Variants in PHGDH observed in about 807,000 individuals in gnomAD.
PHGDH encodes the protein D-3-phosphoglycerate dehydrogenase.
In PHGDH, 50 loss-of-function variants were observed where a neutral mutation model predicts 52.6. The observed-to-expected ratio is 0.95, with a 90% CI of 0.76 to 1.20. The LOEUF is 1.20. Among genes scored for constraint, PHGDH ranks in the 50% most tolerant of loss-of-function variants. The probability of loss-of-function intolerance (pLI) is 0.00; values close to 1 mark genes in which losing one functional copy is unlikely to be tolerated. For missense variants in PHGDH, 630 were observed against 684.6 expected (o/e 0.92, Z 0.89); for synonymous variants, 271 against 280.5 (o/e 0.97, Z 0.34).
At position 119,721,276 on chromosome 1, in the gene PHGDH, A is replaced by G. The variant is rs587625944; in HGVS notation, c.245A>G (p.Asn82Ser). The change falls in exon 2 of 12, where the codon AAT becomes AGT. Residue 82 changes from asparagine to serine, a missense_variant. Transcript: ENST00000641023. ...VVGRAGTGVD[N>S]VDLEAATRKG... ...GGCAGGGCTGGCACAGGTGTGGACA[A>G]TGTGGATCTGGAGGCCGCAACAAGG... 5.0e-6 allele frequency: 8 copies of G among 1,614,114 alleles called. No homozygotes were observed. Among genetic ancestry groups the G allele is most frequent in the East Asian group, 2.2e-5 (1 of 44,884 alleles).
intron 8 of PHGDH, chr1:119,740,159 G>A (rs79498396): frequency 4.8e-4 from 269 of 559,650 alleles, no homozygotes; most frequent in African/African-American, 4.2e-3. Flanking sequence ...AATTTTGAGT[G>A]GTTGTGGCAT....
intron 8 of PHGDH, among the ~76,000 whole-genome samples, chr1:119,738,085 T>G (rs1041179862): frequency 8.8e-5 from 13 of 148,514 alleles, no homozygotes; most frequent in Non-Finnish European, 1.9e-4. Flanking sequence ...TTTTCCCTAA[T>G]CTTTCTACTT....
At chr1:119,728,531 T>A (rs1411135361) in intron 5 of PHGDH, among the ~76,000 whole-genome samples, 2 of 152,142 alleles carry the variant, frequency 1.3e-5, no homozygotes, top group African/African-American at 4.8e-5. Flanking sequence ...TTCCCCCAGG[T>A]CTCTGCCTTT....
At chr1:119,719,252 T>C (rs998432171) in intron 1 of PHGDH, among the ~76,000 whole-genome samples, 18 of 152,040 alleles carry the variant, frequency 1.2e-4, no homozygotes, top group Admixed American at 6.5e-5. Context: ...TACACCCAGG[T>C]CATAATCAGT....
intron 1 of PHGDH, among the ~76,000 whole-genome samples, chr1:119,714,010 T>C (rs1650812976): frequency 1.3e-5 from 2 of 152,150 alleles, no homozygotes; most frequent in Non-Finnish European, 2.9e-5. Flanking sequence ...TGAAAACTCT[T>C]GGCAGGAGAG....
In PHGDH at chr1:119,741,685, GAGCT is replaced by G. The variant is rs945483332; in HGVS notation, c.1079-79_1079-76del. On this transcript the variant is annotated intron_variant, in intron 9 of 11. Coordinates refer to ENST00000641023, the MANE Select transcript of PHGDH (RefSeq NM_006623.4). ...AGGGCAGCGAGGAGCCCATAGTCCA[GAGCT>G]AGGTGCCAGTGGCTTCCTGCCCCCT... 103 of 1,299,650 alleles carry G rather than the reference GAGCT, an allele frequency of 7.9e-5. No homozygotes were observed. In the African/African-American group the frequency reaches 1.4e-3, roughly 17 times the overall value. The allele number at this position is 1,299,650 out of a possible 1,614,324, so 80.5% of individuals were successfully genotyped here. A position where few individuals can be genotyped will look rare whatever the true frequency, so the allele number is the denominator to read the frequency against.
intron 2 of PHGDH, 124 bp downstream of exon 2, chr1:119,721,445 G>A (rs1368514417): frequency 2.8e-5 from 26 of 945,390 alleles, no homozygotes; most frequent in Non-Finnish European, 3.8e-5. Context: ...CCAGGAGGAT[G>A]CCTGGTCTAG....
chr1:119,717,964 T>C (rs184592832), intron 1 of PHGDH, among the ~76,000 whole-genome samples: 128 of 152,354 alleles, frequency 8.4e-4, no homozygotes, highest in Non-Finnish European at 7.6e-4. Flanking sequence ...AATTCATTTA[T>C]TCAATGGAAG....
chr1:119,721,554 G>A (rs761901720), intron 2 of PHGDH: 2 of 510,700 alleles, frequency 3.9e-6, no homozygotes, highest in African/African-American at 1.9e-5. Context: ...GTGTTACACA[G>A]TTTTTGAAAT....
chr1:119,731,979 G>A (rs1383920367), intron 5 of PHGDH, among the ~76,000 whole-genome samples: 1 of 152,226 alleles, frequency 6.6e-6, no homozygotes, highest in African/African-American at 2.4e-5. Context: ...GGGGCCCAGG[G>A]AGACAGCAGG....
intron 5 of PHGDH, among the ~76,000 whole-genome samples, chr1:119,729,059 A>G (rs1410395218): frequency 6.6e-6 from 1 of 152,142 alleles, no homozygotes; most frequent in East Asian, 1.9e-4. Context: ...ATTGAATATT[A>G]TCCTCTCCCT....
Position 119,726,816 on chromosome 1 carries a change from G to A in PHGDH, c.357-35G>A, listed in dbSNP as rs371495553. On this transcript the variant is annotated intron_variant, in intron 3 of 11. Coordinates refer to ENST00000641023, the MANE Select transcript of PHGDH (RefSeq NM_006623.4). ...CTCCTTCCTGGGCTGGCGGGAGTCC[G>A]AATGGACCCTCTGAACCTGTGTCTA... 21 of 1,598,326 alleles carry A rather than the reference G, an allele frequency of 1.3e-5. No individual in the cohort carries two copies. The East Asian group carries it at 1.3e-4, about 10-fold the overall frequency.
At chr1:119,725,795 C>G (rs1651382036) in intron 3 of PHGDH, among the ~76,000 whole-genome samples, 1 of 152,184 alleles carries the variant, frequency 6.6e-6, no homozygotes, top group African/African-American at 2.4e-5. Context: ...AGGTTAAAGG[C>G]CTACATTTAA....
intron 10 of PHGDH, 187 bp from the exon 11 acceptor site, chr1:119,742,620 T>C (rs1571020342): frequency 3.1e-6 from 2 of 641,444 alleles, no homozygotes; most frequent in Non-Finnish European, 5.7e-6. Flanking sequence ...TCATTGGCTG[T>C]TCCAGGAAGC....
chr1:119,714,634 CA>C (rs1419856020), intron 1 of PHGDH: 1 of 152,146 alleles, frequency 6.6e-6, no homozygotes, highest in East Asian at 1.9e-4. Flanking sequence ...TGGGAGGGGC[CA>C]AAGGAGGCAG....
At chr1:119,721,434 TC>T in intron 2 of PHGDH, 113 bp downstream of exon 2, 1 of 1,040,898 alleles carries the variant, frequency 9.6e-7, no homozygotes, top group Non-Finnish European at 1.4e-6. Flanking sequence ...TGGAAGGGCT[TC>T]CAGGAGGATG....
intron 1 of PHGDH, chr1:119,713,086 G>A (rs1439963888): frequency 1.3e-5 from 2 of 152,230 alleles, no homozygotes; most frequent in East Asian, 3.9e-4. Flanking sequence ...GCCTTGTCCG[G>A]AATATTTATT....
rs587710774 is a variant in PHGDH at position 119,715,493 on chromosome 1, C to T, written c.138+3333C>T. 2.0e-5 allele frequency among the ~76,000 whole-genome samples: 3 copies of T among 152,284 alleles called. No homozygotes were observed. The South Asian group carries it at 6.2e-4, about 32-fold the overall frequency. ...TGCAAAACAGGGTAGACCTGCCTTCCCTATAGCTGGGGAACATGACCTGGA... is the reference window on the plus strand; with the variant it reads ...TGCAAAACAGGGTAGACCTGCCTTCTCTATAGCTGGGGAACATGACCTGGA... On this transcript the variant is annotated intron_variant, in intron 1 of 11. Transcript: ENST00000641023.
chr1:119,744,104 T>A lies in PHGDH; in HGVS notation c.*64T>A. On this transcript the variant is annotated 3_prime_UTR_variant, in exon 12 of 12. Transcript: ENST00000641023. ...GAAGAAACCCACCCACTGTGATCAA[T>A]AGGGAGAGAAAATCCACATTCTTGG... The A allele has an allele frequency of 6.8e-7, 1 of 1,474,730 alleles. No individual in the cohort carries two copies. The highest frequency in any genetic ancestry group is 9.5e-7 in the Non-Finnish European group (1 of 1,053,428). The allele number at this position is 1,474,730 out of a possible 1,614,324, so 91.4% of individuals were successfully genotyped here.
Sources: allele counts gnomAD v4.1 joint callset (sites outside exome capture counted in the v4.1 genomes callset), GRCh38; gene constraint gnomAD v4.1.1; transcripts MANE v1.5; gene names NCBI Gene and HGNC (gene_info 2026-07-23, HGNC 2026-07-21).